Variants in KCNN3 observed in about 807,000 individuals in gnomAD.
KCNN3 encodes the protein small conductance calcium-activated potassium channel protein 3.
A neutral mutation model predicts 62.9 loss-of-function variants in KCNN3; 16 were observed. The ratio of observed to expected loss-of-function variants is 0.25; its 90% confidence interval spans 0.17 to 0.39. The LOEUF is 0.39. KCNN3 is among the 10% of genes least tolerant of loss of function. The pLI, the probability that KCNN3 is intolerant of heterozygous loss-of-function variation, is 1.00. For missense variants in KCNN3, 599 were observed against 949.4 expected (o/e 0.63, Z 4.85); for synonymous variants, 370 against 389.2 (o/e 0.95, Z 0.58).
chr1:154,868,884 C>T, intron 1 of KCNN3, 148 bp downstream of exon 1: 1 of 894,576 alleles, frequency 1.1e-6, no homozygotes, highest in Non-Finnish European at 1.9e-6. Context: ...CTCCCAGTCT[C>T]CCTCCCAATC....
intron 2 of KCNN3, among the ~76,000 whole-genome samples, chr1:154,817,863 G>A (rs1650729034): frequency 6.6e-6 from 1 of 152,218 alleles, no homozygotes; most frequent in African/African-American, 2.4e-5. Context: ...ACCAATGACT[G>A]CACTTGGTGG....
chr1:154,821,707 G>A (rs1040616519), intron 2 of KCNN3, among the ~76,000 whole-genome samples: 1 of 152,208 alleles, frequency 6.6e-6, no homozygotes. Context: ...CCTCACTGAA[G>A]GGATGAACTG....
chr1:154,794,504 T>C (rs779892142), intron 2 of KCNN3, among the ~76,000 whole-genome samples: 30 of 152,216 alleles, frequency 2.0e-4, no homozygotes, highest in Non-Finnish European at 4.3e-4. Context: ...TCTGATGGGA[T>C]CAGGGACCCT....
At chr1:154,742,396 G>C (rs550906688) in intron 3 of KCNN3, among the ~76,000 whole-genome samples, 1 of 152,140 alleles carries the variant, frequency 6.6e-6, no homozygotes, top group Non-Finnish European at 1.5e-5. Context: ...GTTTGAATCC[G>C]GGCTTTGCAC....
intron 2 of KCNN3, among the ~76,000 whole-genome samples, chr1:154,773,997 A>C (rs1388218240): frequency 6.6e-6 from 1 of 152,132 alleles, no homozygotes; most frequent in Non-Finnish European, 1.5e-5. Context: ...CCTGATCCTA[A>C]CACTACTGGC....
At position 154,869,010 on chromosome 1, in the gene KCNN3, A is replaced by G. The variant is rs773298435; in HGVS notation, c.933+22T>C. ...TACATATTCCTTTTGTTCAAGGTAT[A>G]AAGAGAAACCACAGCCCCTACCTTT... On this transcript the variant is annotated intron_variant, in intron 1 of 7. Coordinates refer to ENST00000271915, the MANE Select transcript of KCNN3 (RefSeq NM_002249.6). This position sits in a 1 kb window ranked among gnomAD's most constrained non-coding sequence, Gnocchi z 6.1. 1 of 1,612,516 alleles carries G rather than the reference A, an allele frequency of 6.2e-7. No individual in the cohort carries two copies. The highest frequency in any genetic ancestry group is 1.7e-5 in the Admixed American group (1 of 59,998).
chr1:154,829,012 C>T (rs1356071161), intron 1 of KCNN3, among the ~76,000 whole-genome samples: 7 of 152,258 alleles, frequency 4.6e-5, no homozygotes, highest in African/African-American at 1.7e-4. Context: ...GCCAGGGATT[C>T]CCCACCCGCT....
chr1:154,856,067 T>C (rs1652512798), intron 1 of KCNN3, among the ~76,000 whole-genome samples: 1 of 152,210 alleles, frequency 6.6e-6, no homozygotes, highest in Non-Finnish European at 1.5e-5. Flanking sequence ...AAAAGTACAT[T>C]TCTTTTCCTT....
At chr1:154,784,262 T>C (rs1255348075) in intron 2 of KCNN3, among the ~76,000 whole-genome samples, 1 of 152,136 alleles carries the variant, frequency 6.6e-6, no homozygotes, top group Non-Finnish European at 1.5e-5. Context: ...CCAAATCATG[T>C]CACCTCCCCT....
At chr1:154,792,256 C>T (rs2101864158) in intron 2 of KCNN3, among the ~76,000 whole-genome samples, 1 of 152,340 alleles carries the variant, frequency 6.6e-6, no homozygotes, top group Admixed American at 6.5e-5. Context: ...CATGTTCCAA[C>T]AACCATCCCA....
chr1:154,820,038 G>T (rs1650825679), intron 2 of KCNN3, among the ~76,000 whole-genome samples: 1 of 152,238 alleles, frequency 6.6e-6, no homozygotes, highest in South Asian at 2.1e-4. Flanking sequence ...TCTCCAAATT[G>T]TGTCAGGCCA....
intron 2 of KCNN3, among the ~76,000 whole-genome samples, chr1:154,820,604 G>A (rs1250122343): frequency 3.9e-5 from 6 of 152,188 alleles, no homozygotes; most frequent in Non-Finnish European, 8.8e-5. Flanking sequence ...GTCCTGTCTC[G>A]ATTCCGTGGC....
chr1:154,741,155 A>AT (rs1700815238), intron 3 of KCNN3, among the ~76,000 whole-genome samples: 2 of 152,184 alleles, frequency 1.3e-5, no homozygotes, highest in Non-Finnish European at 1.5e-5. Context: ...ATACAACTTC[A>AT]TTTTTTTCAC....
At chr1:154,865,104 C>T (rs914461284) in intron 1 of KCNN3, among the ~76,000 whole-genome samples, 1 of 152,010 alleles carries the variant, frequency 6.6e-6, no homozygotes, top group East Asian at 1.9e-4. Flanking sequence ...GGCAGCCAGG[C>T]CTTTCCCTTC....
chr1:154,840,985 A>C (rs1651800057), intron 1 of KCNN3, among the ~76,000 whole-genome samples: 1 of 152,158 alleles, frequency 6.6e-6, no homozygotes, highest in African/African-American at 2.4e-5. Flanking sequence ...TTCCATTCCC[A>C]AAGCCACCAG....
intron 1 of KCNN3, among the ~76,000 whole-genome samples, chr1:154,866,566 G>C (rs1652963959): frequency 6.6e-6 from 1 of 152,168 alleles, no homozygotes; most frequent in African/African-American, 2.4e-5. Context: ...GTGTGTACAA[G>C]GCCTGGTACA....
chr1:154,840,874 C>T (rs1459615138), intron 1 of KCNN3, among the ~76,000 whole-genome samples: 3 of 152,228 alleles, frequency 2.0e-5, no homozygotes, highest in South Asian at 2.1e-4. Context: ...ACGCCCTCCC[C>T]GGATCCCCCA....
At chr1:154,818,054 G>C (rs900526724) in intron 2 of KCNN3, among the ~76,000 whole-genome samples, 4 of 152,170 alleles carry the variant, frequency 2.6e-5, no homozygotes, top group Admixed American at 1.3e-4. Context: ...CTCTCCAAGG[G>C]AGAGCATGGT....
At chr1:154,813,306 T>C (rs950832423) in intron 2 of KCNN3, among the ~76,000 whole-genome samples, 4 of 150,028 alleles carry the variant, frequency 2.7e-5, no homozygotes, top group African/African-American at 9.8e-5. Context: ...GGAAGCTTCC[T>C]GAGAAGCGTG....
Sources: allele counts gnomAD v4.1 joint callset (sites outside exome capture counted in the v4.1 genomes callset), GRCh38; gene constraint gnomAD v4.1.1; non-coding constraint Gnocchi (gnomAD v3.1); transcripts MANE v1.5; gene names NCBI Gene and HGNC (gene_info 2026-07-23, HGNC 2026-07-21).